CACHD1: variants seen among roughly 807,000 people sequenced by gnomAD.
CACHD1 encodes the protein cache domain containing 1, also known as VWFA and cache domain-containing protein 1.
CACHD1 carries 71 observed loss-of-function variants against 138.7 expected under a neutral mutation model. The ratio of observed to expected loss-of-function variants is 0.51; its 90% CI spans 0.42 to 0.62. The LOEUF (loss-of-function observed/expected upper bound fraction) is 0.62. CACHD1 is among the 20% of genes least tolerant of loss of function. The probability of loss-of-function intolerance (pLI) is 0.00; values close to 1 mark genes in which losing one functional copy is unlikely to be tolerated. For synonymous variants in CACHD1, 578 were observed against 591.5 expected, an observed-to-expected ratio of 0.98 and a Z score of 0.33; for missense variants, 1,389 against 1,625.3, an observed-to-expected ratio of 0.85 and a Z score of 2.50.
intron 5 of CACHD1, among the ~76,000 whole-genome samples, chr1:64,629,995 A>G (rs1301542445): frequency 6.6e-6 from 1 of 152,230 alleles, no homozygotes; most frequent in Non-Finnish European, 1.5e-5. Flanking sequence ...TTTCTCTCAC[A>G]GACATGACTT....
At chr1:64,591,230 G>C (rs1219522548) in intron 3 of CACHD1, among the ~76,000 whole-genome samples, 2 of 152,176 alleles carry the variant, frequency 1.3e-5, no homozygotes, top group East Asian at 3.9e-4. Flanking sequence ...ATAAAGGCTT[G>C]TGGAATGGTT....
chr1:64,564,564 C>G (rs537821219), intron 2 of CACHD1, among the ~76,000 whole-genome samples: 82 of 152,236 alleles, frequency 5.4e-4, no homozygotes, highest in South Asian at 1.5e-3. Context: ...TGTAACCCAG[C>G]CAAGGAACCT....
intron 1 of CACHD1, among the ~76,000 whole-genome samples, chr1:64,530,678 C>T (rs1233282180): frequency 6.6e-6 from 1 of 152,010 alleles, no homozygotes; most frequent in African/African-American, 2.4e-5. Context: ...CAAGACCAGC[C>T]TGGCCAACAT....
intron 2 of CACHD1, among the ~76,000 whole-genome samples, chr1:64,557,648 A>T (rs989951721): frequency 6.6e-6 from 1 of 151,790 alleles, no homozygotes; most frequent in African/African-American, 2.4e-5. Flanking sequence ...CAAACAAAAG[A>T]CCCTTTTCTT....
intron 1 of CACHD1, 49 bp from the exon 2 acceptor site, chr1:64,550,545 G>C (rs746738082): frequency 7.3e-6 from 10 of 1,365,828 alleles, no homozygotes; most frequent in Non-Finnish European, 1.0e-5. Flanking sequence ...CACTCATGTA[G>C]AAAATGACTT....
intron 4 of CACHD1, among the ~76,000 whole-genome samples, chr1:64,604,277 C>T (rs1647273265): frequency 6.6e-6 from 1 of 152,184 alleles, no homozygotes; most frequent in South Asian, 2.1e-4. Flanking sequence ...CTAGGCATAT[C>T]ATTTTTCATT....
rs928474786 is a variant in CACHD1 at position 64,570,475 on chromosome 1, G to A, written c.262-11681G>A. 4.6e-5 allele frequency among the ~76,000 whole-genome samples: 7 copies of A among 152,070 alleles called. No individual in the cohort carries two copies. The South Asian group carries it at 6.2e-4, about 14-fold the overall frequency. ...ATGAGGAAGTGTCACTGTCACATCC[G>A]CTGACATGCATGTCAGGCCTACCAT... On this transcript the variant is annotated intron_variant, in intron 2 of 26. Coordinates refer to ENST00000651257, the MANE Select transcript of CACHD1 (RefSeq NM_020925.4).
At chr1:64,536,869 G>A (rs565358452) in intron 1 of CACHD1, among the ~76,000 whole-genome samples, 10 of 152,254 alleles carry the variant, frequency 6.6e-5, no homozygotes, top group African/African-American at 2.4e-4. Flanking sequence ...AAACCTAATA[G>A]GTGGCTATGA....
At chr1:64,620,936 G>A (rs1167008768) in intron 4 of CACHD1, among the ~76,000 whole-genome samples, 1 of 152,042 alleles carries the variant, frequency 6.6e-6, no homozygotes, top group African/African-American at 2.4e-5. Flanking sequence ...CTAACTTACA[G>A]CCAACTAAAA....
At chr1:64,568,109 G>T (rs1158369228) in intron 2 of CACHD1, among the ~76,000 whole-genome samples, 1 of 152,104 alleles carries the variant, frequency 6.6e-6, no homozygotes, top group African/African-American at 2.4e-5. Flanking sequence ...ATAACCTTAA[G>T]ACAGTTGGTT....
At chr1:64,486,062 A>G (rs995931517) in intron 1 of CACHD1, among the ~76,000 whole-genome samples, 1 of 152,136 alleles carries the variant, frequency 6.6e-6, no homozygotes, top group African/African-American at 2.4e-5. Context: ...TCATTGTAAA[A>G]TGTGTGAAAT....
Position 64,504,697 on chromosome 1 carries a change from C to T in CACHD1, c.198+33755C>T, listed in dbSNP as rs184229108. ...ATGGTATAATGGAAAGATATACTGACCTGGGCATACTCATGGGCAACGTAC... is the reference window on the plus strand; with the variant it reads ...ATGGTATAATGGAAAGATATACTGATCTGGGCATACTCATGGGCAACGTAC... On this transcript the variant is annotated intron_variant, in intron 1 of 26. Transcript: ENST00000651257. Among the ~76,000 whole-genome samples the T allele has an allele frequency of 3.9e-3, 591 of 152,234 alleles. 12 individuals carry two copies. The highest frequency in any genetic ancestry group is 0.014 in the African/African-American group (562 of 41,524).
chr1:64,680,657 G>A (rs763524742), intron 24 of CACHD1, among the ~76,000 whole-genome samples: 1 of 152,072 alleles, frequency 6.6e-6, no homozygotes, highest in South Asian at 2.1e-4. Flanking sequence ...CCAGTCCCCG[G>A]GGATGTGTTG....
At chr1:64,621,749 T>TGTACAGTGTACTG (rs1647923297) in intron 4 of CACHD1, among the ~76,000 whole-genome samples, 1 of 152,182 alleles carries the variant, frequency 6.6e-6, no homozygotes, top group Admixed American at 6.5e-5. Context: ...TGGCTCTTGA[T>TGTACAGTGTACTG]GTACAGTGTA....
intron 1 of CACHD1, among the ~76,000 whole-genome samples, chr1:64,511,287 C>G (rs535979389): frequency 5.3e-5 from 8 of 152,208 alleles, no homozygotes; most frequent in African/African-American, 1.9e-4. Flanking sequence ...AGTCTTAGTA[C>G]CTTGTCAAGT....
At chr1:64,627,385 C>T (rs1024361507) in intron 4 of CACHD1, among the ~76,000 whole-genome samples, 13 of 152,084 alleles carry the variant, frequency 8.5e-5, no homozygotes, top group Admixed American at 2.0e-4. Context: ...CCCACCTGGG[C>T]GACAGAGTGA....
rs444470 is a variant in CACHD1 at position 64,470,601 on chromosome 1, G to A, written c.-144G>A. On this transcript the variant is annotated 5_prime_UTR_variant, in exon 1 of 27. Transcript: ENST00000651257. This position sits in a 1 kb window ranked among gnomAD's most constrained non-coding sequence, Gnocchi z 5.2. ...GTAGCCGGGCGCCCCCTAAGTTTGG[G>A]AGCCTTCGCCACCGCGGCGCGGAGC... is the stretch of plus-strand genomic sequence containing the variant. 1.4e-4 allele frequency: 46 copies of A among 324,418 alleles called. No individual in the cohort carries two copies. The highest frequency in any genetic ancestry group is 7.6e-4 in the African/African-American group (35 of 46,314). The allele number at this position is 324,418 out of a possible 1,614,324, so 20.1% of individuals were successfully genotyped here. A position where few individuals can be genotyped will look rare whatever the true frequency, so the allele number is the denominator to read the frequency against.
At chr1:64,646,235 A>G (rs1197106155) in intron 8 of CACHD1, among the ~76,000 whole-genome samples, 1 of 152,062 alleles carries the variant, frequency 6.6e-6, no homozygotes, top group Non-Finnish European at 1.5e-5. Flanking sequence ...TCTCAAGGAT[A>G]TAAGGTCAGG....
chr1:64,545,671 G>T (rs893554860), intron 1 of CACHD1, among the ~76,000 whole-genome samples: 1 of 152,176 alleles, frequency 6.6e-6, no homozygotes, highest in Non-Finnish European at 1.5e-5. Context: ...ACATTGTTGT[G>T]TACTGTACTT....
Sources: allele counts gnomAD v4.1 joint callset (sites outside exome capture counted in the v4.1 genomes callset), GRCh38; gene constraint gnomAD v4.1.1; non-coding constraint Gnocchi (gnomAD v3.1); transcripts MANE v1.5; gene names NCBI Gene and HGNC (gene_info 2026-07-23, HGNC 2026-07-21).